Variants in CEMIP observed in about 807,000 individuals in gnomAD.
CEMIP encodes cell migration-inducing and hyaluronan-binding protein.
CEMIP carries 105 observed loss-of-function variants against 156.9 expected under a neutral mutation model. That is an observed-to-expected ratio of 0.67 (90% CI 0.57 to 0.79). The LOEUF is 0.79. CEMIP is among the 30% of genes least tolerant of loss of function. The pLI is 0.00. For missense variants in CEMIP, 1,457 were observed against 1,769.4 expected, an observed-to-expected ratio of 0.82 and a Z score of 3.17; for synonymous variants, 676 against 668.4, an observed-to-expected ratio of 1.01 and a Z score of -0.17.
At chr15:80,897,139 A>G (rs1009098219) in intron 12 of CEMIP, 6 of 350,936 alleles carry the variant, frequency 1.7e-5, no homozygotes, top group Non-Finnish European at 3.4e-5. Flanking sequence ...GGGAATCAGA[A>G]CTTAAGAGGT....
At chr15:80,916,779 CTGAG>C (rs370553636) in intron 14 of CEMIP, among the ~76,000 whole-genome samples, 3 of 84,072 alleles carry the variant, frequency 3.6e-5, no homozygotes, top group African/African-American at 5.6e-5. Flanking sequence ...AAGTTTGTGG[CTGAG>C]TAACTTGTGT....
intron 1 of CEMIP, among the ~76,000 whole-genome samples, chr15:80,825,673 G>C (rs1377718025): frequency 6.6e-6 from 1 of 152,202 alleles, no homozygotes; most frequent in Non-Finnish European, 1.5e-5. Flanking sequence ...GAGAGGCAAA[G>C]TGTCCATCAG....
At chr15:80,823,005 T>C (rs1248336982) in intron 1 of CEMIP, among the ~76,000 whole-genome samples, 1 of 152,164 alleles carries the variant, frequency 6.6e-6, no homozygotes, top group Non-Finnish European at 1.5e-5. Flanking sequence ...ACTGATTGTG[T>C]GGTCCTGAAA....
intron 1 of CEMIP, among the ~76,000 whole-genome samples, chr15:80,855,181 C>A (rs1422506995): frequency 6.6e-6 from 1 of 152,102 alleles, no homozygotes; most frequent in Non-Finnish European, 1.5e-5. Context: ...GAGTGAGACA[C>A]CATCTCAAAA....
At chr15:80,947,088 A>T in intron 29 of CEMIP, 23 bp downstream of exon 29, 1 of 1,496,358 alleles carries the variant, frequency 6.7e-7, no homozygotes. Flanking sequence ...ACTGGGGTTT[A>T]AACTGACCCC....
At chr15:80,933,951 A>C (rs1251589683) in intron 23 of CEMIP, among the ~76,000 whole-genome samples, 1 of 152,242 alleles carries the variant, frequency 6.6e-6, no homozygotes, top group African/African-American at 2.4e-5. Context: ...AATTTTAATA[A>C]TACTTTAATT....
chr15:80,929,284 T>C (rs1000822249), intron 21 of CEMIP, 110 bp downstream of exon 21: 1 of 1,335,956 alleles, frequency 7.5e-7, no homozygotes, highest in Non-Finnish European at 1.1e-6. Context: ...TGAATTCTTC[T>C]ACCAGCCAGA....
intron 14 of CEMIP, chr15:80,909,877 A>G: frequency 3.0e-6 from 1 of 335,042 alleles, no homozygotes; most frequent in African/African-American, 2.1e-5. Flanking sequence ...ATCCTCTGTA[A>G]AGTTTAACAC....
chr15:80,816,304 G>C (rs1896786634), intron 1 of CEMIP, among the ~76,000 whole-genome samples: 1 of 152,146 alleles, frequency 6.6e-6, no homozygotes, highest in Admixed American at 6.5e-5. Flanking sequence ...ACCACTCACA[G>C]TTTTCCAGGG....
At chr15:80,803,498 C>T (rs1442344336) in intron 1 of CEMIP, among the ~76,000 whole-genome samples, 1 of 152,054 alleles carries the variant, frequency 6.6e-6, no homozygotes, top group African/African-American at 2.4e-5. Context: ...TTAGAAGCAG[C>T]AAAATATTAT....
At chr15:80,944,097 G>C (rs544157457) in intron 28 of CEMIP, among the ~76,000 whole-genome samples, 1 of 152,228 alleles carries the variant, frequency 6.6e-6, no homozygotes, top group African/African-American at 2.4e-5. Flanking sequence ...GGCCAATATG[G>C]TGAAACCCCA....
intron 1 of CEMIP, among the ~76,000 whole-genome samples, chr15:80,840,301 G>A (rs1897374537): frequency 6.6e-6 from 1 of 152,180 alleles, no homozygotes; most frequent in Non-Finnish European, 1.5e-5. Context: ...CACGGGGCAT[G>A]GAGGGTGGGG....
At chr15:80,917,093 T>C (rs1349009623) in intron 14 of CEMIP, among the ~76,000 whole-genome samples, 2 of 152,228 alleles carry the variant, frequency 1.3e-5, no homozygotes, top group African/African-American at 4.8e-5. Flanking sequence ...TAAAAACATT[T>C]GGTATCCAAT....
intron 5 of CEMIP, among the ~76,000 whole-genome samples, chr15:80,880,196 C>T (rs1379633628): frequency 2.0e-5 from 3 of 152,196 alleles, no homozygotes; most frequent in Non-Finnish European, 4.4e-5. Flanking sequence ...GTGGTACTTG[C>T]CCCTGGCTGT....
chr15:80,895,023 G>C lies in CEMIP; in HGVS notation c.1120G>C (p.Glu374Gln), dbSNP rs568453376. 6.2e-7 allele frequency: 1 copy of C among 1,614,110 alleles called. No individual in the cohort carries two copies. Among genetic ancestry groups the C allele is most frequent in the Non-Finnish European group, 8.5e-7 (1 of 1,180,008 alleles). The change falls in exon 11 of 30, where the codon GAG (glutamate) becomes CAG (glutamine). Residue 374 changes from glutamate (E) to glutamine (Q), a missense_variant. This residue lies in a region of CEMIP where 280 missense variants were observed against 300.3 expected (regional missense o/e 0.93). Transcript: ENST00000394685. Reference protein sequence around the residue: ...TTMDGVNLSTEVVYKKGQDYR... With the variant: ...TTMDGVNLSTQVVYKKGQDYR... The stretch of plus-strand genomic sequence containing the variant: ...AATGGATGGAGTTAACCTCAGCACC[G>C]AGGTTGTCTACAAAAAAGGCCAGGA...
chr15:80,896,047 G>A lies in CEMIP; in HGVS notation c.1398G>A (p.Gln466=), dbSNP rs1567088145. Reference sequence around the variant, plus strand: ...CCTGCAGATCCTGCGCCCCCAACCAGGTCAAAGTGGCAGGTAGGACTTTTA... The same window carrying A: ...CCTGCAGATCCTGCGCCCCCAACCAAGTCAAAGTGGCAGGTAGGACTTTTA... ...VLPCRSCAPN[Q]VKVAGKPMYL... is the part of the protein sequence containing the mutation. The change falls in exon 12 of 30, where the codon CAG becomes CAA. Residue 466 remains glutamine, a synonymous_variant. Transcript: ENST00000394685. 6.2e-7 allele frequency: 1 copy of A among 1,614,000 alleles called. No individual in the cohort carries two copies. The highest frequency in any genetic ancestry group is 1.7e-5 in the Admixed American group (1 of 60,026).
chr15:80,793,051 G>C (rs1346085110), intron 1 of CEMIP, among the ~76,000 whole-genome samples: 1 of 152,228 alleles, frequency 6.6e-6, no homozygotes, highest in Non-Finnish European at 1.5e-5. Context: ...TACAGTTTAA[G>C]AAGTGTAAAA....
intron 1 of CEMIP, among the ~76,000 whole-genome samples, chr15:80,861,939 C>T (rs553643503): frequency 5.3e-5 from 8 of 152,310 alleles, no homozygotes; most frequent in African/African-American, 1.7e-4. Flanking sequence ...GATCTAGCTG[C>T]TCTTGGCATC....
rs76239049 is a variant in CEMIP at position 80,788,136 on chromosome 15, G to A, written c.-176+8522G>A. ...AGAACAGTAGGAATGAGCCCCAAAA[G>A]GAGTGCATAGAGGAGCTAGTTTGGG... On this transcript the variant is annotated intron_variant, in intron 1 of 29. Coordinates refer to ENST00000394685, the MANE Select transcript of CEMIP (RefSeq NM_001293298.2). Among the ~76,000 whole-genome samples the A allele has an allele frequency of 7.1e-3, 1,077 of 152,206 alleles. 9 individuals carry two copies. Among genetic ancestry groups the A allele is most frequent in the African/African-American group, 0.024 (998 of 41,510 alleles).
Sources: allele counts gnomAD v4.1 joint callset (sites outside exome capture counted in the v4.1 genomes callset), GRCh38; gene constraint gnomAD v4.1.1; regional missense constraint gnomAD v4.1.1; transcripts MANE v1.5; gene names NCBI Gene and HGNC (gene_info 2026-07-23, HGNC 2026-07-21).